CDC20B: variants seen among roughly 807,000 people sequenced by gnomAD.
CDC20B encodes the protein cell division cycle protein 20 homolog B.
In CDC20B, 58 loss-of-function variants were observed where a neutral mutation model predicts 64.1. That is an observed-to-expected ratio of 0.90 (90% confidence interval 0.73 to 1.13). The LOEUF is 1.13. Among genes scored for constraint, CDC20B ranks in the 50% most tolerant of loss-of-function variants. The pLI is 0.00. For missense variants in CDC20B, 597 were observed against 633.0 expected (o/e 0.94, Z 0.61); for synonymous variants, 243 against 230.6 (o/e 1.05, Z -0.49).
rs764625402 is a variant in CDC20B at position 55,143,647 on chromosome 5, C to T, written c.356-4G>A. 12 of 1,573,424 alleles carry T rather than the reference C, an allele frequency of 7.6e-6. No individual in the cohort carries two copies. In the South Asian group the frequency reaches 1.1e-4, roughly 14 times the overall value. ...TTCAGTTGTTCTTTGCGGGATCCTA[C>T]AAGAAAGACATTTATCTTTGAATTT... On this transcript the variant is annotated splice_polypyrimidine_tract_variant and splice_region_variant and intron_variant, in intron 3 of 11. Transcript: ENST00000381375.
At chr5:55,117,821 A>C (rs1742658834) in intron 11 of CDC20B, among the ~76,000 whole-genome samples, 1 of 152,136 alleles carries the variant, frequency 6.6e-6, no homozygotes, top group East Asian at 1.9e-4. Flanking sequence ...GGTCCTTAAG[A>C]AAGAAAACAG....
rs907562618 is a variant in CDC20B at position 55,114,456 on chromosome 5, G to A, written c.1460-138C>T. On this transcript the variant is annotated intron_variant, in intron 11 of 11. Coordinates refer to ENST00000381375, the MANE Select transcript of CDC20B (RefSeq NM_001170402.1). The surrounding 1 kb of genome is among the most constrained non-coding windows in gnomAD (Gnocchi z 4.1). ...TCCCACACCCACCAGGTTCAGAGCT[G>A]CCACCAACTGAGCCATGCTGGGAGA... 1.1e-5 allele frequency: 16 copies of A among 1,437,902 alleles called. No individual in the cohort carries two copies. The highest frequency in any genetic ancestry group is 1.6e-5 in the South Asian group (1 of 61,786). 89.1% of individuals were successfully genotyped at this position (1,437,902 alleles called of 1,614,324 possible).
At chr5:55,161,365 A>G in intron 2 of CDC20B, 2 of 1,066,688 alleles carry the variant, frequency 1.9e-6, no homozygotes, top group Non-Finnish European at 2.7e-6. Flanking sequence ...GGAAAGCTTC[A>G]TAAAACTATC....
At chr5:55,130,842 C>T (rs1476296273) in intron 6 of CDC20B, among the ~76,000 whole-genome samples, 1 of 152,110 alleles carries the variant, frequency 6.6e-6, no homozygotes, top group Non-Finnish European at 1.5e-5. Context: ...CATGACAGGC[C>T]AGACACAGTG....
chr5:55,124,640 T>C (rs1742830932), intron 9 of CDC20B, among the ~76,000 whole-genome samples, 163 bp downstream of exon 9: 1 of 152,210 alleles, frequency 6.6e-6, no homozygotes, highest in Admixed American at 6.5e-5. Context: ...CAGTGGAAAG[T>C]ATAAATAGGG....
chr5:55,173,084 A>G lies in CDC20B; in HGVS notation c.-84T>C. 7.9e-7 allele frequency: 1 copy of G among 1,266,368 alleles called. No individual in the cohort carries two copies. The highest frequency in any genetic ancestry group is 1.1e-6 in the Non-Finnish European group (1 of 889,438). 78.4% of individuals were successfully genotyped at this position (1,266,368 alleles called of 1,614,324 possible). On this transcript the variant is annotated 5_prime_UTR_variant, in exon 1 of 12. Transcript: ENST00000381375. ...TCTTCCCAGGTCTAAGTCAGTCTTG[A>G]CGCCTAATCGTCAAACCCCTGGAGT...
At chr5:55,130,297 A>G (rs1266525785) in intron 6 of CDC20B, among the ~76,000 whole-genome samples, 2 of 152,210 alleles carry the variant, frequency 1.3e-5, no homozygotes, top group Non-Finnish European at 2.9e-5. Context: ...GGAAAGAGTA[A>G]ACTTGAATAT....
chr5:55,145,549 T>C (rs1424197267), intron 3 of CDC20B, among the ~76,000 whole-genome samples: 1 of 152,218 alleles, frequency 6.6e-6, no homozygotes, highest in Non-Finnish European at 1.5e-5. Context: ...GAATTACATA[T>C]TTCAGAAAGA....
At chr5:55,131,102 C>A (rs1743017284) in intron 6 of CDC20B, among the ~76,000 whole-genome samples, 1 of 152,160 alleles carries the variant, frequency 6.6e-6, no homozygotes, top group African/African-American at 2.4e-5. Flanking sequence ...CACTGCACTC[C>A]AGCCTGGGTG....
chr5:55,136,142 T>G (rs934676449), intron 5 of CDC20B: 3 of 151,886 alleles, frequency 2.0e-5, no homozygotes, highest in African/African-American at 7.3e-5. Flanking sequence ...GAGACAGGGT[T>G]TCACTATGTT....
chr5:55,153,240 TA>T (rs1206577177), intron 2 of CDC20B, among the ~76,000 whole-genome samples: 14,782 of 87,018 alleles, frequency 0.17, 526 homozygotes, highest in South Asian at 0.27. Flanking sequence ...CCTTGTCTCA[TA>T]AAAAAAAAAA....
At chr5:55,128,387 G>C (rs746199551) in intron 7 of CDC20B, 34 bp downstream of exon 7, 1 of 1,525,856 alleles carries the variant, frequency 6.6e-7, no homozygotes, top group Admixed American at 2.3e-5. Flanking sequence ...AATACACAGA[G>C]AACATGATGA....
chr5:55,161,102 G>A (rs1177384875), intron 2 of CDC20B: 1 of 1,614,164 alleles, frequency 6.2e-7, no homozygotes, highest in Non-Finnish European at 8.5e-7. Flanking sequence ...CAGCGTGTTG[G>A]CTTTTCCCTG....
rs1742577431 is a variant in CDC20B, at chr5:55,114,353, CACGTT to C, written c.1460-40_1460-36del. 6.2e-7 allele frequency: 1 copy of C among 1,609,866 alleles called. No homozygotes were observed. The highest frequency in any genetic ancestry group is 1.1e-5 in the South Asian group (1 of 90,446). On this transcript the variant is annotated intron_variant, in intron 11 of 11. Coordinates refer to ENST00000381375, the MANE Select transcript of CDC20B (RefSeq NM_001170402.1). The surrounding 1 kb of genome is among the most constrained non-coding windows in gnomAD (Gnocchi z 4.1). The stretch of plus-strand genomic sequence containing the variant: ...GAAGGAAAGACAGTTCATACTCCTC[CACGTT>C]ACATGGGCTGCTGCTCAGGACTGTA...
At chr5:55,143,285 A>G (rs1468965669) in intron 4 of CDC20B, among the ~76,000 whole-genome samples, 5 of 152,188 alleles carry the variant, frequency 3.3e-5, no homozygotes, top group Admixed American at 6.5e-5. Flanking sequence ...TCTCATTTTC[A>G]CTTTTTTAAT....
At chr5:55,117,831 G>C (rs1580334997) in intron 11 of CDC20B, among the ~76,000 whole-genome samples, 1 of 152,112 alleles carries the variant, frequency 6.6e-6, no homozygotes, top group East Asian at 1.9e-4. Flanking sequence ...AAAGAAAACA[G>C]TGGCCAGGCA....
At chr5:55,129,847 G>A (rs1206663977) in intron 6 of CDC20B, among the ~76,000 whole-genome samples, 2 of 152,146 alleles carry the variant, frequency 1.3e-5, no homozygotes, top group South Asian at 2.1e-4. Context: ...AACCTAACTA[G>A]AACAAAAACA....
At chr5:55,144,123 G>A (rs1251930788) in intron 3 of CDC20B, among the ~76,000 whole-genome samples, 2 of 152,114 alleles carry the variant, frequency 1.3e-5, no homozygotes, top group Non-Finnish European at 2.9e-5. Flanking sequence ...AAAACATTAT[G>A]GGATGCTTGC....
chr5:55,167,043 C>CA (rs1246798655), intron 2 of CDC20B: 1 of 151,610 alleles, frequency 6.6e-6, no homozygotes, highest in Admixed American at 6.6e-5. Context: ...GACCCTGTCT[C>CA]AAAAAAGAGA....
Sources: allele counts gnomAD v4.1 joint callset (sites outside exome capture counted in the v4.1 genomes callset), GRCh38; gene constraint gnomAD v4.1.1; non-coding constraint Gnocchi (gnomAD v3.1); transcripts MANE v1.5; gene names NCBI Gene and HGNC (gene_info 2026-07-23, HGNC 2026-07-21).